The following UBR3 variants were observed in gnomAD, a reference collection of about 807,000 sequenced individuals.
UBR3 encodes the protein ubiquitin protein ligase E3 component n-recognin 3, also known as E3 ubiquitin-protein ligase UBR3.
Under a neutral mutation model 243.2 loss-of-function variants are expected in UBR3, and 85 were observed. That is an observed-to-expected ratio of 0.35 (90% confidence interval 0.29 to 0.42). The LOEUF is 0.42. Among genes scored for constraint, UBR3 ranks in the 10% least tolerant of loss-of-function variants. UBR3 has a pLI of 1.00. For synonymous variants in UBR3, 748 were observed against 799.8 expected (o/e 0.94, Z 1.09); for missense variants, 1,686 against 2,300.8 (o/e 0.73, Z 5.47).
chr2:169,956,400 C>T (rs2087297244), intron 23 of UBR3, among the ~76,000 whole-genome samples: 2 of 151,720 alleles, frequency 1.3e-5, no homozygotes, highest in Non-Finnish European at 2.9e-5. Flanking sequence ...GCCAGGTTGT[C>T]GAGTCCTGAC....
At chr2:170,079,297 A>G (rs13021082) in intron 36 of UBR3, among the ~76,000 whole-genome samples, 66,212 of 152,030 alleles carry the variant, frequency 0.44, 15,530 homozygotes, top group Non-Finnish European at 0.54. Flanking sequence ...AAAGATCTTA[A>G]CAGCTTGAGG....
chr2:170,052,886 A>C (rs2091252293), intron 32 of UBR3, among the ~76,000 whole-genome samples: 1 of 152,208 alleles, frequency 6.6e-6, no homozygotes, highest in African/African-American at 2.4e-5. Flanking sequence ...TGGGATGATG[A>C]ATATGTTAGT....
chr2:170,077,646 A>C (rs2105460699), intron 36 of UBR3: 1 of 419,352 alleles, frequency 2.4e-6, no homozygotes, highest in Non-Finnish European at 4.3e-6. Flanking sequence ...AGTGCAGTAG[A>C]GCGATCTTGG....
rs757875711 is a variant in UBR3, at chr2:170,008,887, C to T, written c.4314C>T (p.Ser1438=). The change falls in exon 29 of 39, where the codon AGC becomes AGT. Residue 1438 remains serine, a synonymous_variant. Coordinates refer to ENST00000272793, the MANE Select transcript of UBR3 (RefSeq NM_172070.4). ...CTCAGAAGAAATATAGAGACTATAG[C>T]AAGACCCCGGGCTCACCAGACAATG... ...NTTQKKYRDY[S]KTPGSPDNDF... is the part of the protein sequence containing the mutation. The T allele has an allele frequency of 6.3e-7, 1 of 1,599,206 alleles. No homozygotes were observed. Among genetic ancestry groups the T allele is most frequent in the Non-Finnish European group, 8.5e-7 (1 of 1,172,340 alleles).
intron 24 of UBR3, among the ~76,000 whole-genome samples, chr2:169,981,351 A>G (rs549400945): frequency 6.6e-6 from 1 of 152,162 alleles, no homozygotes; most frequent in Non-Finnish European, 1.5e-5. Context: ...TCATGTTAAT[A>G]TTATGTACCC....
intron 11 of UBR3, among the ~76,000 whole-genome samples, chr2:169,917,742 G>C (rs1204169268): frequency 2.0e-5 from 3 of 151,960 alleles, no homozygotes; most frequent in Non-Finnish European, 4.4e-5. Context: ...TGCTCTTGTT[G>C]CCCAGGCTGG....
At chr2:169,980,151 G>A (rs1376125391) in intron 24 of UBR3, among the ~76,000 whole-genome samples, 2 of 152,182 alleles carry the variant, frequency 1.3e-5, no homozygotes, top group African/African-American at 4.8e-5. Context: ...CGTATATACT[G>A]AGGTTGAACA....
intron 25 of UBR3, among the ~76,000 whole-genome samples, chr2:169,993,238 G>A (rs2089352116): frequency 6.6e-6 from 1 of 151,924 alleles, no homozygotes; most frequent in Non-Finnish European, 1.5e-5. Context: ...AATGTGATAT[G>A]ATATTTTGAC....
intron 5 of UBR3, among the ~76,000 whole-genome samples, chr2:169,890,540 G>GAGATATATATATATATATATAT (rs1553504401): frequency 1.3e-5 from 1 of 75,992 alleles, no homozygotes; most frequent in African/African-American, 6.4e-5. Context: ...GAGAGAGAGA[G>GAGATATATATATATATATATAT]ATATATATAT....
At chr2:170,008,678 T>C (rs959896429) in intron 28 of UBR3, 126 bp from the exon 29 acceptor site, 25 of 523,010 alleles carry the variant, frequency 4.8e-5, no homozygotes, top group Non-Finnish European at 7.8e-5. Flanking sequence ...TTATAATAGA[T>C]AATGTTCTGT....
chr2:169,854,268 T>G lies in UBR3; in HGVS notation c.546-17968T>G, dbSNP rs960687096. ...GTCAGAAATATACATTGGCAAATAG[T>G]TTTTTAATGACAATAGGAAGAAAAC... On this transcript the variant is annotated intron_variant, in intron 1 of 38. Coordinates refer to ENST00000272793, the MANE Select transcript of UBR3 (RefSeq NM_172070.4). 4.6e-5 allele frequency among the ~76,000 whole-genome samples: 7 copies of G among 152,318 alleles called. No individual in the cohort carries two copies. In the East Asian group the frequency reaches 1.3e-3, roughly 29 times the overall value.
intron 36 of UBR3, 107 bp from the exon 37 acceptor site, chr2:170,079,707 C>T: frequency 1.0e-6 from 1 of 996,532 alleles, no homozygotes; most frequent in Non-Finnish European, 1.4e-6. Context: ...AAATAAGCCA[C>T]ATTCTTGGAG....
At chr2:169,835,214 A>G (rs539233364) in intron 1 of UBR3, among the ~76,000 whole-genome samples, 150 of 152,210 alleles carry the variant, frequency 9.9e-4, no homozygotes, top group Admixed American at 2.2e-3. Flanking sequence ...AAATAATGTC[A>G]GGTATGGTGG....
At chr2:169,971,597 G>T (rs929440890) in intron 24 of UBR3, among the ~76,000 whole-genome samples, 1 of 151,992 alleles carries the variant, frequency 6.6e-6, no homozygotes, top group African/African-American at 2.4e-5. Flanking sequence ...TTTCCCCATT[G>T]CTTGTTTTTC....
chr2:169,923,979 T>A lies in UBR3; in HGVS notation c.1917T>A (p.Ala639=). Residue 639 remains alanine, a synonymous_variant, in exon 12 of 39, where the codon GCT becomes GCA. Coordinates refer to ENST00000272793, the MANE Select transcript of UBR3 (RefSeq NM_172070.4). ...TFHLPLHRYY[A]MFLSKAVKCQ... ...ATCTGCCACTACATCGTTACTATGC[T>A]ATGTTTTTGAGTAAGGTAAGACTGT... is the stretch of plus-strand genomic sequence containing the variant. 1 of 1,546,688 alleles carries A rather than the reference T, an allele frequency of 6.5e-7. No homozygotes were observed. The highest frequency in any genetic ancestry group is 8.7e-7 in the Non-Finnish European group (1 of 1,145,686).
At chr2:170,013,622 A>G (rs1463711662) in intron 29 of UBR3, among the ~76,000 whole-genome samples, 1 of 152,088 alleles carries the variant, frequency 6.6e-6, no homozygotes, top group African/African-American at 2.4e-5. Flanking sequence ...ATTCTTAGTA[A>G]TATGTTTGTC....
At chr2:169,986,916 G>A (rs2089031469) in intron 25 of UBR3, 122 bp downstream of exon 25, 2 of 1,011,490 alleles carry the variant, frequency 2.0e-6, no homozygotes, top group Non-Finnish European at 2.8e-6. Context: ...GCAAGGGTCA[G>A]TTTAGATCCA....
chr2:169,947,623 A>G lies in UBR3; in HGVS notation c.2992A>G (p.Asn998Asp). 6.5e-7 allele frequency: 1 copy of G among 1,541,216 alleles called. No individual in the cohort carries two copies. The highest frequency in any genetic ancestry group is 8.8e-7 in the Non-Finnish European group (1 of 1,141,936). ...AGTGTCAAACATGCGACACTTTATA[A>G]ACTATGTTAGAGTAAGAGTTCCAGA... ...NLVSNMRHFI[N>D]YVRVRVPETA... The change falls in exon 22 of 39, where the codon AAC becomes GAC. Residue 998 changes from asparagine (N) to aspartate (D), a missense_variant. This residue lies in a region of UBR3 where 300 missense variants were observed against 314.4 expected (regional missense o/e 0.95). Transcript: ENST00000272793.
rs2091895159 is a variant in UBR3 at position 170,080,980 on chromosome 2, AG to A, written c.5549+298del. On this transcript the variant is annotated intron_variant, in intron 38 of 38. Transcript: ENST00000272793. ...GGCTGAAGCAGGATTGCTTGAGCCC[AG>A]GAGTTTGAGACCAGCCTGGACAACA... is the stretch of plus-strand genomic sequence containing the variant. Among the ~76,000 whole-genome samples the A allele has an allele frequency of 4.6e-5, 7 of 152,128 alleles. No individual in the cohort carries two copies. The South Asian group carries it at 1.5e-3, about 32-fold the overall frequency.
Sources: gnomAD v4.1 joint callset for allele counts (sites outside exome capture counted in the v4.1 genomes callset) on GRCh38, gnomAD v4.1.1 for gene constraint, gnomAD v4.1.1 regional missense constraint, MANE v1.5 for transcripts, NCBI Gene and HGNC (gene_info 2026-07-23, HGNC 2026-07-21) for gene names.